The following LARGE1 variants were observed in gnomAD, a reference collection of about 807,000 sequenced individuals.
LARGE1 encodes LARGE xylosyl- and glucuronyltransferase 1.
Under a neutral mutation model 87.6 loss-of-function variants are expected in LARGE1, and 43 were observed. The observed-to-expected ratio is 0.49, with a 90% CI of 0.38 to 0.63. The LOEUF (loss-of-function observed/expected upper bound fraction) is 0.63. LARGE1 is among the 30% of genes least tolerant of loss of function. The probability of loss-of-function intolerance (pLI) is 0.00; values close to 1 mark genes in which losing one functional copy is unlikely to be tolerated. For synonymous variants in LARGE1, 434 were observed against 394.6 expected (o/e 1.10, Z -1.18); for missense variants, 802 against 1,000.2 (o/e 0.80, Z 2.67).
At chr22:33,208,743 C>T (rs1924814229) in intron 11 of LARGE1, among the ~76,000 whole-genome samples, 1 of 152,114 alleles carries the variant, frequency 6.6e-6, no homozygotes, top group South Asian at 2.1e-4. Context: ...CCAGACAGGC[C>T]ATGGTATGTG....
At chr22:33,857,499 T>C in intron 1 of LARGE1, among the ~76,000 whole-genome samples, 1 of 152,224 alleles carries the variant, frequency 6.6e-6, no homozygotes, top group Non-Finnish European at 1.5e-5. Flanking sequence ...AACAAAACAC[T>C]TACTTAAATA....
intron 5 of LARGE1, among the ~76,000 whole-genome samples, chr22:33,601,883 C>A (rs1303843972): frequency 6.6e-6 from 1 of 152,164 alleles, no homozygotes; most frequent in Admixed American, 6.5e-5. Flanking sequence ...GACAGTTGGT[C>A]TCCCTGGATT....
At position 33,298,768 on chromosome 22, in the gene LARGE1, C is replaced by T. The variant is rs147219511; in HGVS notation, c.1730+5461G>A. On this transcript the variant is annotated intron_variant, in intron 12 of 14. Transcript: ENST00000397394. Reference sequence around the variant, plus strand: ...ATTGCTTGAGCCCAGGAGTTTGAGGCTGCAGTAAGCTATGATTGCACCACT... The same window carrying T: ...ATTGCTTGAGCCCAGGAGTTTGAGGTTGCAGTAAGCTATGATTGCACCACT... 1.9e-3 allele frequency among the ~76,000 whole-genome samples: 283 copies of T among 152,104 alleles called. 2 individuals carry two copies. Among genetic ancestry groups the T allele is most frequent in the African/African-American group, 6.5e-3 (270 of 41,506 alleles).
intron 9 of LARGE1, among the ~76,000 whole-genome samples, chr22:33,344,478 G>A (rs997598645): frequency 2.0e-5 from 3 of 152,126 alleles, no homozygotes; most frequent in East Asian, 1.9e-4. Context: ...TGGGAAGGGC[G>A]CATTAAGTGG....
Position 33,894,546 on chromosome 22 carries a change from G to A in LARGE1, c.-83+25449C>T, listed in dbSNP as rs1371386784. On this transcript the variant is annotated intron_variant, in intron 1 of 14. Coordinates refer to ENST00000397394, the MANE Select transcript of LARGE1 (RefSeq NM_133642.5). ...ATCAGAATGAATTATCAGAAACCTC[G>A]AAGTAGCCTCTGTGTGCAGCAACTC... 3.9e-5 allele frequency among the ~76,000 whole-genome samples: 6 copies of A among 152,246 alleles called. 1 individual carries two copies. Among genetic ancestry groups the A allele is most frequent in the Admixed American group, 3.3e-4 (5 of 15,290 alleles).
chr22:33,415,833 G>T (rs2066467390), intron 7 of LARGE1, among the ~76,000 whole-genome samples: 1 of 152,140 alleles, frequency 6.6e-6, no homozygotes, highest in South Asian at 2.1e-4. Context: ...TGGTGGGTGA[G>T]GGCGGTTTCT....
the LARGE1 span, among the ~76,000 whole-genome samples, chr22:33,112,556 T>C: frequency 6.6e-6 from 1 of 152,166 alleles, no homozygotes; most frequent in Non-Finnish European, 1.5e-5. Context: ...AATAAGTGAA[T>C]AGACAGTGAG....
At chr22:33,537,761 C>G (rs1389773244) in intron 6 of LARGE1, among the ~76,000 whole-genome samples, 1 of 151,998 alleles carries the variant, frequency 6.6e-6, no homozygotes, top group Non-Finnish European at 1.5e-5. Context: ...TTAGTAGAGA[C>G]AGGGTTTCAC....
intron 11 of LARGE1, chr22:33,221,729 T>C (rs1305989115): frequency 6.6e-6 from 1 of 152,262 alleles, no homozygotes; most frequent in East Asian, 1.9e-4. Flanking sequence ...CTCTACTTCC[T>C]GGATACTGAC....
At chr22:33,722,194 AATGAGCCGAG>A (rs999739162) in intron 2 of LARGE1, among the ~76,000 whole-genome samples, 1 of 151,530 alleles carries the variant, frequency 6.6e-6, no homozygotes, top group Non-Finnish European at 1.5e-5. Flanking sequence ...CGGAGGTTGC[AATGAGCCGAG>A]ATCACGCCAC....
At chr22:33,422,960 ATATTTGAGCCTGGAACTAAC>A (rs2066746315) in intron 7 of LARGE1, among the ~76,000 whole-genome samples, 1 of 152,072 alleles carries the variant, frequency 6.6e-6, no homozygotes, top group African/African-American at 2.4e-5. Flanking sequence ...AACCCTATCA[ATATTTGAGCCTGGAACTAAC>A]ACTACTTACG....
chr22:33,592,232 G>A (rs1331268703), intron 5 of LARGE1, among the ~76,000 whole-genome samples: 2 of 127,418 alleles, frequency 1.6e-5, no homozygotes, highest in East Asian at 3.9e-4. Flanking sequence ...TTCATTTCAA[G>A]TTAATTTTTG....
chr22:33,248,336 T>A (rs1926863258), intron 11 of LARGE1, among the ~76,000 whole-genome samples: 2 of 152,110 alleles, frequency 1.3e-5, no homozygotes, highest in African/African-American at 4.8e-5. Flanking sequence ...CACAGGTGCG[T>A]GCCACCACAC....
intron 1 of LARGE1, among the ~76,000 whole-genome samples, chr22:33,825,298 A>G (rs1394175000): frequency 6.6e-6 from 1 of 151,834 alleles, no homozygotes; most frequent in Non-Finnish European, 1.5e-5. Context: ...ATGGGGTATT[A>G]GTCTGTTCTC....
At chr22:33,526,177 A>G (rs1354049087) in intron 6 of LARGE1, among the ~76,000 whole-genome samples, 1 of 152,266 alleles carries the variant, frequency 6.6e-6, no homozygotes, top group African/African-American at 2.4e-5. Flanking sequence ...AAGAAGCTAC[A>G]AAAGATAGCA....
At chr22:33,876,435 TACA>T (rs2064469192) in intron 1 of LARGE1, among the ~76,000 whole-genome samples, 1 of 152,152 alleles carries the variant, frequency 6.6e-6, no homozygotes, top group Non-Finnish European at 1.5e-5. Flanking sequence ...GAGCTGGTGA[TACA>T]GATATGTTAC....
intron 9 of LARGE1, among the ~76,000 whole-genome samples, chr22:33,348,280 A>ACCCCCCCCCCC (rs11327050): frequency 2.0e-5 from 2 of 100,864 alleles, no homozygotes; most frequent in Non-Finnish European, 4.1e-5. Flanking sequence ...TCCCCCACCC[A>ACCCCCCCCCCC]CCCCCCCCCA....
chr22:33,793,583 G>C (rs964282658), intron 1 of LARGE1, among the ~76,000 whole-genome samples: 1 of 152,196 alleles, frequency 6.6e-6, no homozygotes, highest in African/African-American at 2.4e-5. Flanking sequence ...GAGGAATATT[G>C]CTTCTTTTCT....
At chr22:33,493,635 T>C (rs1055077482) in intron 6 of LARGE1, among the ~76,000 whole-genome samples, 14 of 152,128 alleles carry the variant, frequency 9.2e-5, no homozygotes, top group Non-Finnish European at 1.6e-4. Context: ...AGCAACCCTA[T>C]GAAGTAGGCA....
Sources: allele counts gnomAD v4.1 joint callset (sites outside exome capture counted in the v4.1 genomes callset), GRCh38; gene constraint gnomAD v4.1.1; transcripts MANE v1.5; gene names NCBI Gene and HGNC (gene_info 2026-07-23, HGNC 2026-07-21).